Variants in SNX16 observed in about 807,000 individuals in gnomAD.
SNX16 encodes the protein sorting nexin 16.
In SNX16, 35 loss-of-function variants were observed where a neutral mutation model predicts 36.7. That is an observed-to-expected ratio of 0.95 (90% CI 0.73 to 1.27). The LOEUF is 1.27. SNX16 is among the 50% of genes most tolerant of loss of function. The probability of loss-of-function intolerance (pLI) is 0.00; values close to 1 mark genes in which losing one functional copy is unlikely to be tolerated. For synonymous variants in SNX16, 134 were observed against 132.0 expected (o/e 1.02, Z -0.10); for missense variants, 367 against 393.6 (o/e 0.93, Z 0.57).
intron 5 of SNX16, among the ~76,000 whole-genome samples, chr8:81,804,652 A>G (rs1468453115): frequency 3.3e-5 from 5 of 152,016 alleles, no homozygotes. Context: ...TAAACTCAAA[A>G]CTTAACAGAT....
intron 2 of SNX16, among the ~76,000 whole-genome samples, chr8:81,830,722 T>A (rs192372940): frequency 1.3e-4 from 20 of 151,624 alleles, no homozygotes; most frequent in African/African-American, 4.8e-4. Flanking sequence ...GGTATTCCTA[T>A]CGAACTACCA....
At chr8:81,828,377 G>A (rs1177500461) in intron 3 of SNX16, among the ~76,000 whole-genome samples, 1 of 152,098 alleles carries the variant, frequency 6.6e-6, no homozygotes, top group Non-Finnish European at 1.5e-5. Flanking sequence ...TTTTCTTGGA[G>A]TATCTGTGAT....
intron 5 of SNX16, among the ~76,000 whole-genome samples, chr8:81,814,095 A>G (rs946932264): frequency 4.6e-5 from 7 of 152,194 alleles, no homozygotes; most frequent in African/African-American, 1.7e-4. Flanking sequence ...AAATAAAGCC[A>G]TATGTTCACA....
chr8:81,837,060 C>T (rs539727691), intron 2 of SNX16, among the ~76,000 whole-genome samples: 2 of 152,178 alleles, frequency 1.3e-5, no homozygotes, highest in Non-Finnish European at 2.9e-5. Context: ...TTTTGTGAGG[C>T]CATGACTGAT....
Position 81,817,563 on chromosome 8 carries a change from C to A in SNX16, c.612-2169G>T, listed in dbSNP as rs1869078. 1.9e-3 allele frequency among the ~76,000 whole-genome samples: 285 copies of A among 152,260 alleles called. 1 individual carries two copies. Among genetic ancestry groups the A allele is most frequent in the African/African-American group, 6.6e-3 (275 of 41,560 alleles). On this transcript the variant is annotated intron_variant, in intron 4 of 7. Coordinates refer to ENST00000345957, the MANE Select transcript of SNX16 (RefSeq NM_152836.3). ...TACTCTATGCTTTACTTTCTTTAAT[C>A]AGTAGCAGAATAAAATTTGAAACTG...
chr8:81,815,617 A>G, intron 4 of SNX16: 1 of 384,156 alleles, frequency 2.6e-6, no homozygotes, highest in Non-Finnish European at 4.9e-6. Flanking sequence ...TTACATACAA[A>G]CTATGGGGCA....
At position 81,803,022 on chromosome 8, in the gene SNX16, T is replaced by A. The variant is rs569641138; in HGVS notation, c.818+70A>T. ...AAAATTCCTAAATCATATTAAAATA[T>A]AAAGGGCAGTTAGCCCAGAGTATTA... On this transcript the variant is annotated intron_variant, in intron 6 of 7. Transcript: ENST00000345957. The A allele has an allele frequency of 1.8e-5, 23 of 1,290,036 alleles. 1 individual carries two copies. The African/African-American group carries it at 2.6e-4, about 15-fold the overall frequency. 79.9% of individuals were successfully genotyped at this position (1,290,036 alleles called of 1,614,324 possible).
In SNX16 at chr8:81,809,700, T is replaced by C. The variant is rs116893678; in HGVS notation, c.681+5625A>G. On this transcript the variant is annotated intron_variant, in intron 5 of 7. Coordinates refer to ENST00000345957, the MANE Select transcript of SNX16 (RefSeq NM_152836.3). ...GACAATACTTGTATTAGTGGTGATA[T>C]AGAGCAAAAGGAAAACATATTGTTG... Among the ~76,000 whole-genome samples, 270 of 152,348 alleles carry C rather than the reference T, an allele frequency of 1.8e-3. 1 individual carries two copies. The highest frequency in any genetic ancestry group is 2.0e-3 in the Non-Finnish European group (137 of 68,028).
rs1164407539 is a variant in SNX16 at position 81,802,298 on chromosome 8, A to T, written c.938+82T>A. 3 of 1,094,276 alleles carry T rather than the reference A, an allele frequency of 2.7e-6. No homozygotes were observed. In the African/African-American group the frequency reaches 4.9e-5, roughly 18 times the overall value. The allele number at this position is 1,094,276 out of a possible 1,614,324, so 67.8% of individuals were successfully genotyped here. On this transcript the variant is annotated intron_variant, in intron 7 of 7. Transcript: ENST00000345957. ...CGTGATACAGTAACACTGAGTTCATAAAAAAATACTCTATAGAGTATTAGA... is the reference window on the plus strand; with the variant it reads ...CGTGATACAGTAACACTGAGTTCATTAAAAAATACTCTATAGAGTATTAGA...
At chr8:81,806,429 G>A (rs58543371) in intron 5 of SNX16, among the ~76,000 whole-genome samples, 1,568 of 151,780 alleles carry the variant, frequency 0.01, 27 homozygotes, top group African/African-American at 0.036. Context: ...CATCTATACA[G>A]ATGCAAGTGA....
chr8:81,808,552 A>G (rs2130615754), intron 5 of SNX16: 2 of 1,003,914 alleles, frequency 2.0e-6, no homozygotes, highest in Non-Finnish European at 3.1e-6. Flanking sequence ...GGAAGCTACA[A>G]TGATTTTGGC....
intron 3 of SNX16, among the ~76,000 whole-genome samples, chr8:81,826,645 C>CAG (rs1282447600): frequency 6.6e-6 from 1 of 152,156 alleles, no homozygotes; most frequent in Non-Finnish European, 1.5e-5. Flanking sequence ...ACTTCCTCAG[C>CAG]AGAGGCTCTT....
chr8:81,817,720 C>T (rs111374293), intron 4 of SNX16, among the ~76,000 whole-genome samples: 3,129 of 152,246 alleles, frequency 0.021, 58 homozygotes, highest in Middle Eastern at 0.092. Context: ...AGAGGACACA[C>T]AAGAATCTCT....
chr8:81,817,972 A>G (rs1249243528), intron 4 of SNX16, among the ~76,000 whole-genome samples: 1 of 152,148 alleles, frequency 6.6e-6, no homozygotes, highest in East Asian at 1.9e-4. Context: ...TTAATTTACT[A>G]AAGGCAGATA....
At chr8:81,821,537 TA>T (rs764375401) in intron 4 of SNX16, among the ~76,000 whole-genome samples, 1 of 152,070 alleles carries the variant, frequency 6.6e-6, no homozygotes, top group Non-Finnish European at 1.5e-5. Flanking sequence ...GCTTTCTCTA[TA>T]ATTTTGGTGT....
At chr8:81,817,439 C>A (rs1869077) in intron 4 of SNX16, among the ~76,000 whole-genome samples, 1,584 of 152,186 alleles carry the variant, frequency 0.01, 28 homozygotes, top group African/African-American at 0.036. Flanking sequence ...GTTTCATTCA[C>A]CTTCCCTAAA....
Position 81,803,147 on chromosome 8 carries a change from T to A in SNX16, c.763A>T (p.Lys255Ter). The A allele has an allele frequency of 6.2e-7, 1 of 1,612,416 alleles. No homozygotes were observed. Among genetic ancestry groups the A allele is most frequent in the Non-Finnish European group, 8.5e-7 (1 of 1,178,986 alleles). Residue 255 changes from lysine to a stop codon, truncating the protein, a stop_gained, in exon 6 of 8, where the codon AAG becomes TAG. Coordinates refer to ENST00000345957, the MANE Select transcript of SNX16 (RefSeq NM_152836.3). LOFTEE classifies it high-confidence loss of function. ...LEKQKEMESL[K>*]KLLSEKQLHI... ...AGTTGCTTCTCACTGAGCAGTTTCT[T>A]TAGTGATTCCATCTCCTTTTGTTTT... is the stretch of plus-strand genomic sequence containing the variant.
rs1186989559 is a variant in SNX16, at chr8:81,823,935, T to C, written c.468A>G (p.Lys156=). The change falls in exon 4 of 8, where the codon AAA becomes AAG. Residue 156 remains lysine (K), a synonymous_variant. Coordinates refer to ENST00000345957, the MANE Select transcript of SNX16 (RefSeq NM_152836.3). ...TDFSRLNDKL[K]EMFPGFRLAL... ...CTAGTCGAAAACCTGGAAACATCTCTTTTAACTGAAAAAGAAGAAAAGAGC... is the reference window on the plus strand; with the variant it reads ...CTAGTCGAAAACCTGGAAACATCTCCTTTAACTGAAAAAGAAGAAAAGAGC... 1.9e-6 allele frequency: 3 copies of C among 1,606,338 alleles called. No homozygotes were observed. The South Asian group carries it at 3.4e-5, about 18-fold the overall frequency.
At chr8:81,841,848 G>C (rs1036536458) in intron 1 of SNX16, 1 of 152,182 alleles carries the variant, frequency 6.6e-6, no homozygotes, top group African/African-American at 2.4e-5. Flanking sequence ...GCCGGGGTCT[G>C]CGCCGGTCAC....
Sources: allele counts gnomAD v4.1 joint callset (sites outside exome capture counted in the v4.1 genomes callset), GRCh38; gene constraint gnomAD v4.1.1; transcripts MANE v1.5; gene names NCBI Gene and HGNC (gene_info 2026-07-23, HGNC 2026-07-21).